The following C9orf40 variants were observed in gnomAD, a reference collection of about 807,000 sequenced individuals.
The protein encoded by C9orf40 is chromosome 9 open reading frame 40, also known as uncharacterized protein C9orf40.
Under a neutral mutation model 7.9 loss-of-function variants are expected in C9orf40, and 2 were observed. That is an observed-to-expected ratio of 0.25 (90% confidence interval 0.10 to 0.80). The LOEUF (loss-of-function observed/expected upper bound fraction) is 0.80. Ranked by LOEUF, C9orf40 falls within the 30% of genes least tolerant of loss-of-function variation. The pLI is 0.68. For synonymous variants in C9orf40, 113 were observed against 117.6 expected (o/e 0.96, Z 0.25); for missense variants, 256 against 268.5 (o/e 0.95, Z 0.33).
intron 1 of C9orf40, among the ~76,000 whole-genome samples, chr9:74,951,276 TTTC>T (rs1165288045): frequency 1.9e-4 from 26 of 135,826 alleles, no homozygotes; most frequent in Non-Finnish European, 3.6e-4. Flanking sequence ...CCAAATTAAT[TTTC>T]TTTTTTCTTT....
At chr9:74,949,818 C>A (rs956537148) in intron 1 of C9orf40, among the ~76,000 whole-genome samples, 3 of 152,084 alleles carry the variant, frequency 2.0e-5, no homozygotes, top group Non-Finnish European at 4.4e-5. Context: ...AAAAGAGAAG[C>A]GCCTCCAGAA....
In C9orf40 at chr9:74,952,236, C is replaced by A; in HGVS notation, c.376G>T (p.Ala126Ser). The A allele has an allele frequency of 1.6e-6, 2 of 1,254,388 alleles. No homozygotes were observed. The highest frequency in any genetic ancestry group is 3.3e-5 in the South Asian group (1 of 30,202). The allele number at this position is 1,254,388 out of a possible 1,614,324, so 77.7% of individuals were successfully genotyped here. Residue 126 changes from alanine to serine, a missense_variant, in exon 1 of 2, where the codon GCG (alanine) becomes TCG (serine). By Grantham distance (99) the Ala-to-Ser change is moderately conservative (BLOSUM62 1). Coordinates refer to ENST00000376854, the MANE Select transcript of C9orf40 (RefSeq NM_017998.3). This position sits in a 1 kb window ranked among gnomAD's most constrained non-coding sequence, Gnocchi z 5.4. ...RLPGGGGDDG[A>S]GRAGPPRGDW... is the part of the protein sequence containing the mutation. ...CCCCGCGGGGGTCCTGCGCGCCCCGCCCCGTCGTCGCCACCGCCCCCCGGG... is the reference window on the plus strand; with the variant it reads ...CCCCGCGGGGGTCCTGCGCGCCCCGACCCGTCGTCGCCACCGCCCCCCGGG...
intron 1 of C9orf40, among the ~76,000 whole-genome samples, chr9:74,950,102 G>A (rs1252787698): frequency 6.6e-6 from 1 of 152,158 alleles, no homozygotes; most frequent in Non-Finnish European, 1.5e-5. Context: ...GCATGGGAGC[G>A]AGACCCCAAG....
Position 74,952,465 on chromosome 9 carries a change from G to T in C9orf40, c.147C>A (p.Val49=). 6.3e-7 allele frequency: 1 copy of T among 1,599,888 alleles called. No homozygotes were observed. The highest frequency in any genetic ancestry group is 8.5e-7 in the Non-Finnish European group (1 of 1,178,582). ...GVAHAGQLLG[V]PEQHRKRKID... is the part of the protein sequence containing the mutation. ...TTTTGCGCTTTCGGTGCTGCTCTGG[G>T]ACGCCGAGGAGCTGCCCAGCATGCG... Residue 49 remains valine, a synonymous_variant, in exon 1 of 2, where the codon GTC becomes GTA. Coordinates refer to ENST00000376854, the MANE Select transcript of C9orf40 (RefSeq NM_017998.3). This position sits in a 1 kb window ranked among gnomAD's most constrained non-coding sequence, Gnocchi z 5.4.
rs937049337 is a variant in C9orf40, at chr9:74,952,582, C to G, written c.30G>C (p.Val10=). 67 of 1,577,922 alleles carry G rather than the reference C, an allele frequency of 4.2e-5. No homozygotes were observed. Among genetic ancestry groups the G allele is most frequent in the Non-Finnish European group, 5.3e-5 (62 of 1,172,110 alleles). MAKRRAAEP[V]TFHVPWKRLL... is the part of the protein sequence containing the mutation. ...GCCGCTTCCAAGGCACGTGGAACGT[C>G]ACCGGCTCGGCCGCACGCCGCTTGG... Residue 10 remains valine (V), a synonymous_variant, in exon 1 of 2, where the codon GTG becomes GTC. Transcript: ENST00000376854. The surrounding 1 kb of genome is among the most constrained non-coding windows in gnomAD (Gnocchi z 5.4).
intron 1 of C9orf40, among the ~76,000 whole-genome samples, chr9:74,950,686 A>AT (rs965007139): frequency 2.0e-5 from 3 of 151,882 alleles, no homozygotes; most frequent in Non-Finnish European, 4.4e-5. Flanking sequence ...AATTTCATTT[A>AT]TTTTTTTGGA....
At position 74,950,685 on chromosome 9, in the gene C9orf40, T is replaced by C. The variant is rs1331604238; in HGVS notation, c.426+1501A>G. On this transcript the variant is annotated intron_variant, in intron 1 of 1. Transcript: ENST00000376854. ...CAAGTCATGCCTAAGAAATTTCATT[T>C]ATTTTTTTGGAAAGGTATTTGAAAA... Among the ~76,000 whole-genome samples the C allele has an allele frequency of 3.3e-5, 5 of 152,310 alleles. No individual in the cohort carries two copies. The South Asian group carries it at 1.0e-3, about 32-fold the overall frequency.
At position 74,952,293 on chromosome 9, in the gene C9orf40, CCGGCAGTACGGGCGGCGG is replaced by C. The variant is rs754910427; in HGVS notation, c.301_318del (p.Pro101_Pro106del). On this transcript the variant is annotated inframe_deletion, in exon 1 of 2. Coordinates refer to ENST00000376854, the MANE Select transcript of C9orf40 (RefSeq NM_017998.3). The surrounding 1 kb of genome is among the most constrained non-coding windows in gnomAD (Gnocchi z 5.4). ...GCGCCCGGGAGCTCCTCCCCCGGCC[CCGGCAGTACGGGCGGCGG>C]CGGCAGCGGCGGATCGCCTGTCTCC... is the stretch of plus-strand genomic sequence containing the variant. The C allele has an allele frequency of 7.5e-7, 1 of 1,327,792 alleles. No homozygotes were observed. Among genetic ancestry groups the C allele is most frequent in the Non-Finnish European group, 9.6e-7 (1 of 1,042,978 alleles). The allele number at this position is 1,327,792 out of a possible 1,614,324, so 82.3% of individuals were successfully genotyped here. A position where few individuals can be genotyped will look rare whatever the true frequency, so the allele number is the denominator to read the frequency against.
chr9:74,951,538 G>A (rs1832298819), intron 1 of C9orf40, among the ~76,000 whole-genome samples: 1 of 152,100 alleles, frequency 6.6e-6, no homozygotes, highest in African/African-American at 2.4e-5. Context: ...TGATCCACCC[G>A]CCGTGGCCTC....
Position 74,952,353 on chromosome 9 carries a change from G to T in C9orf40, c.259C>A (p.Arg87Ser), listed in dbSNP as rs532452999. 194 of 1,532,208 alleles carry T rather than the reference G, an allele frequency of 1.3e-4. 1 individual carries two copies. The South Asian group carries it at 2.2e-3, about 18-fold the overall frequency. The allele number at this position is 1,532,208 out of a possible 1,614,324, so 94.9% of individuals were successfully genotyped here. ...GDNSAPSGQE[R>S]EDHGLETGDP... ...CCTGTCTCCAGACCGTGGTCCTCAC[G>T]CTCCTGGCCGCTCGGGGCGCTGTTG... The change falls in exon 1 of 2, where the codon CGT becomes AGT. Residue 87 changes from arginine to serine, a missense_variant. Transcript: ENST00000376854. This position sits in a 1 kb window ranked among gnomAD's most constrained non-coding sequence, Gnocchi z 5.4.
chr9:74,950,798 C>T (rs1832287121), intron 1 of C9orf40, among the ~76,000 whole-genome samples: 2 of 152,086 alleles, frequency 1.3e-5, no homozygotes, highest in South Asian at 2.1e-4. Context: ...TCTGAGAAAC[C>T]TGTACTTGGT....
intron 1 of C9orf40, among the ~76,000 whole-genome samples, chr9:74,949,441 G>GA (rs1554752104): frequency 1.3e-5 from 2 of 151,932 alleles, no homozygotes; most frequent in Non-Finnish European, 2.9e-5. Context: ...ACACTAACAT[G>GA]AAAAAAATAC....
chr9:74,951,347 A>T (rs1198785176), intron 1 of C9orf40, among the ~76,000 whole-genome samples: 1 of 151,938 alleles, frequency 6.6e-6, no homozygotes, highest in Non-Finnish European at 1.5e-5. Flanking sequence ...GCTGGAGTGC[A>T]CTGGCCCAAT....
At chr9:74,950,405 T>C (rs923775604) in intron 1 of C9orf40, among the ~76,000 whole-genome samples, 1 of 152,214 alleles carries the variant, frequency 6.6e-6, no homozygotes, top group Non-Finnish European at 1.5e-5. Flanking sequence ...GAGACAAGCC[T>C]ATGCATGAGT....
chr9:74,952,476 G>A lies in C9orf40; in HGVS notation c.136C>T (p.Leu46Phe). Residue 46 changes from leucine (L) to phenylalanine (F), a missense_variant, in exon 1 of 2, where the codon CTC becomes TTC. Physicochemically the swap from Leu to Phe is conservative, Grantham distance 22. Transcript: ENST00000376854. This position sits in a 1 kb window ranked among gnomAD's most constrained non-coding sequence, Gnocchi z 5.4. ...CGGTGCTGCTCTGGGACGCCGAGGA[G>A]CTGCCCAGCATGCGCGACCCCGGGC... The part of the protein sequence containing the change: ...RPPGVAHAGQ[L>F]LGVPEQHRKR... 1 of 1,598,754 alleles carries A rather than the reference G, an allele frequency of 6.3e-7. No homozygotes were observed. Among genetic ancestry groups the A allele is most frequent in the Non-Finnish European group, 8.5e-7 (1 of 1,178,526 alleles).
At chr9:74,950,472 A>C (rs781046614) in intron 1 of C9orf40, among the ~76,000 whole-genome samples, 2 of 152,154 alleles carry the variant, frequency 1.3e-5, no homozygotes, top group African/African-American at 4.8e-5. Flanking sequence ...CACAGTCCCT[A>C]ATCTCCATAT....
rs1034810866 is a variant in C9orf40 at position 74,946,678 on chromosome 9, G to A, written c.*1370C>T. The A allele has an allele frequency of 7.9e-5, 12 of 152,156 alleles. No individual in the cohort carries two copies. Among genetic ancestry groups the A allele is most frequent in the African/African-American group, 2.9e-4 (12 of 41,448 alleles). The allele number at this position is 152,156 out of a possible 1,614,324, so 9.4% of individuals were successfully genotyped here. Reference sequence around the variant, plus strand: ...TGGCTTAAAGATACATAGGTAGGAAGTGGCAGTACAAGACTTTGAACCATG... The same window carrying A: ...TGGCTTAAAGATACATAGGTAGGAAATGGCAGTACAAGACTTTGAACCATG... On this transcript the variant is annotated 3_prime_UTR_variant, in exon 2 of 2. Coordinates refer to ENST00000376854, the MANE Select transcript of C9orf40 (RefSeq NM_017998.3).
chr9:74,951,448 C>T (rs1832295122), intron 1 of C9orf40, among the ~76,000 whole-genome samples: 1 of 152,132 alleles, frequency 6.6e-6, no homozygotes, highest in Admixed American at 6.5e-5. Flanking sequence ...TACACCACCA[C>T]ACCCAGCTAG....
chr9:74,952,419 C>G lies in C9orf40; in HGVS notation c.193G>C (p.Glu65Gln), dbSNP rs1321513745. The change falls in exon 1 of 2, where the codon GAG becomes CAG. Residue 65 changes from glutamate (E) to glutamine (Q), a missense_variant. By Grantham distance (29) the Glu-to-Gln change is conservative. Coordinates refer to ENST00000376854, the MANE Select transcript of C9orf40 (RefSeq NM_017998.3). This position sits in a 1 kb window ranked among gnomAD's most constrained non-coding sequence, Gnocchi z 5.4. ...CGCTTGCTGGGCGAAGCCGAGGGCT[C>G]TGCCATGGTCCCTGCGTCGATTTTG... ...KRKIDAGTMA[E>Q]PSASPSKRRD... is the part of the protein sequence containing the mutation. The G allele has an allele frequency of 6.3e-7, 1 of 1,594,354 alleles. No homozygotes were observed. Among genetic ancestry groups the G allele is most frequent in the South Asian group, 1.1e-5 (1 of 89,002 alleles).
Sources: gnomAD v4.1 joint callset for allele counts (sites outside exome capture counted in the v4.1 genomes callset) on GRCh38, gnomAD v4.1.1 for gene constraint, Gnocchi (gnomAD v3.1) non-coding constraint, MANE v1.5 for transcripts, NCBI Gene and HGNC (gene_info 2026-07-23, HGNC 2026-07-21) for gene names.